The following FAM117B variants were observed in gnomAD, a reference collection of about 807,000 sequenced individuals.
FAM117B encodes the protein family with sequence similarity 117 member B.
FAM117B carries 22 observed loss-of-function variants against 52.8 expected under a neutral mutation model. The ratio of observed to expected loss-of-function variants is 0.42; its 90% CI spans 0.30 to 0.59. The LOEUF (loss-of-function observed/expected upper bound fraction) is 0.59, where lower values mean the gene tolerates loss of function less well. Among genes scored for constraint, FAM117B ranks in the 20% least tolerant of loss-of-function variants. FAM117B has a pLI of 0.22. For missense variants in FAM117B, 678 were observed against 802.6 expected, an observed-to-expected ratio of 0.84 and a Z score of 1.88; for synonymous variants, 309 against 324.1, an observed-to-expected ratio of 0.95 and a Z score of 0.50.
chr2:202,755,495 A>G (rs757866271), intron 4 of FAM117B, 43 bp from the exon 5 acceptor site: 1 of 1,591,470 alleles, frequency 6.3e-7, no homozygotes, highest in Non-Finnish European at 8.6e-7. Context: ...TAGAAAATTA[A>G]AAGGTAATGT....
chr2:202,649,931 G>A (rs1350107164), intron 1 of FAM117B, among the ~76,000 whole-genome samples: 1 of 151,904 alleles, frequency 6.6e-6, no homozygotes, highest in Non-Finnish European at 1.5e-5. Context: ...GCAGTGGTGC[G>A]ATCTCAGCTC....
chr2:202,752,446 G>A (rs1259276459), intron 4 of FAM117B, among the ~76,000 whole-genome samples: 4 of 150,964 alleles, frequency 2.6e-5, no homozygotes, highest in South Asian at 4.2e-4. Flanking sequence ...GTTCTGAAGG[G>A]GAGCAGGAAT....
chr2:202,704,836 G>C (rs568322679), intron 2 of FAM117B, among the ~76,000 whole-genome samples: 1 of 151,842 alleles, frequency 6.6e-6, no homozygotes, highest in South Asian at 2.1e-4. Context: ...CCTGACCTCA[G>C]GTAATCCGCC....
chr2:202,717,961 A>G (rs1169406318), intron 2 of FAM117B, among the ~76,000 whole-genome samples: 5 of 152,106 alleles, frequency 3.3e-5, no homozygotes, highest in Admixed American at 6.5e-5. Context: ...CAAAAACCTT[A>G]GAAGTCTGCC....
intron 2 of FAM117B, among the ~76,000 whole-genome samples, chr2:202,712,822 T>G (rs544611780): frequency 1.3e-5 from 2 of 152,296 alleles, no homozygotes; most frequent in African/African-American, 4.8e-5. Context: ...TTTGTCTTCA[T>G]TCTGTTAATG....
At position 202,714,520 on chromosome 2, in the gene FAM117B, ATCTTTTTTTTT is replaced by A. The variant is rs1171729631; in HGVS notation, c.754-10384_754-10374del. The stretch of plus-strand genomic sequence containing the variant: ...GTGCATATATATTTACAGTTGTTAT[ATCTTTTTTTTT>A]TCTTTTTTTTTTTTTTTTTATTGAT... On this transcript the variant is annotated intron_variant, in intron 2 of 7. Transcript: ENST00000392238. Among the ~76,000 whole-genome samples the A allele has an allele frequency of 7.2e-4, 89 of 124,312 alleles. 1 individual carries two copies. The highest frequency in any genetic ancestry group is 3.2e-3 in the African/African-American group (85 of 26,478). 81.6% of individuals were successfully genotyped at this position (124,312 alleles called of 152,430 possible). A position where few individuals can be genotyped will look rare whatever the true frequency, so the allele number is the denominator to read the frequency against.
intron 4 of FAM117B, among the ~76,000 whole-genome samples, chr2:202,729,932 T>C (rs1480520016): frequency 1.3e-5 from 2 of 152,108 alleles, no homozygotes; most frequent in African/African-American, 4.8e-5. Context: ...GGGTCAGATA[T>C]AGAACGAATT....
chr2:202,734,227 A>T (rs2105790714), intron 4 of FAM117B, among the ~76,000 whole-genome samples: 1 of 152,288 alleles, frequency 6.6e-6, no homozygotes, highest in African/African-American at 2.4e-5. Flanking sequence ...CAATACCATT[A>T]AAAAACCAAA....
rs534368069 is a variant in FAM117B, at chr2:202,638,166, C to T, written c.601+2378C>T. ...TGCTGGGATTACAGGCATGAGCTAC[C>T]GCGCCCAGCCACTAGTTAAGTAACT... On this transcript the variant is annotated intron_variant, in intron 1 of 7. Coordinates refer to ENST00000392238, the MANE Select transcript of FAM117B (RefSeq NM_173511.4). 6.6e-5 allele frequency among the ~76,000 whole-genome samples: 10 copies of T among 152,290 alleles called. No homozygotes were observed. In the South Asian group the frequency reaches 1.5e-3, roughly 22 times the overall value.
At position 202,768,519 on chromosome 2, in the gene FAM117B, CTAA is replaced by C. The variant is rs1692021567; in HGVS notation, c.*2757_*2759del. On this transcript the variant is annotated 3_prime_UTR_variant, in exon 8 of 8. Coordinates refer to ENST00000392238, the MANE Select transcript of FAM117B (RefSeq NM_173511.4). ...AACTCTAACTGCCAGTGCCAAAGGGCTAATTTTTAAGCATGTAAGCTTTACCAC... is the reference window on the plus strand; with the variant it reads ...AACTCTAACTGCCAGTGCCAAAGGGCTTTTTAAGCATGTAAGCTTTACCAC... The C allele has an allele frequency of 6.6e-6, 1 of 152,500 alleles. No homozygotes were observed. Among genetic ancestry groups the C allele is most frequent in the African/African-American group, 2.4e-5 (1 of 41,402 alleles). 9.4% of individuals were successfully genotyped at this position (152,500 alleles called of 1,614,324 possible).
chr2:202,643,144 G>A (rs897329933), intron 1 of FAM117B, among the ~76,000 whole-genome samples: 1 of 152,150 alleles, frequency 6.6e-6, no homozygotes, highest in African/African-American at 2.4e-5. Context: ...GTACTTTAAT[G>A]TGGACGGAAG....
chr2:202,636,551 G>T (rs1229210970), intron 1 of FAM117B, among the ~76,000 whole-genome samples: 1 of 152,190 alleles, frequency 6.6e-6, no homozygotes, highest in African/African-American at 2.4e-5. Flanking sequence ...CTTGGGGAAG[G>T]TCCTGAATGG....
intron 2 of FAM117B, among the ~76,000 whole-genome samples, chr2:202,697,435 T>C (rs574952152): frequency 6.6e-6 from 1 of 152,332 alleles, no homozygotes; most frequent in South Asian, 2.1e-4. Context: ...CATTTAAAGA[T>C]TTAAAAGATT....
chr2:202,655,495 T>C (rs1262920039), intron 1 of FAM117B, among the ~76,000 whole-genome samples: 2 of 152,134 alleles, frequency 1.3e-5, no homozygotes, highest in Admixed American at 6.6e-5. Flanking sequence ...TTTATATTCA[T>C]GAGGTATATT....
intron 1 of FAM117B, among the ~76,000 whole-genome samples, chr2:202,659,895 A>G (rs961144929): frequency 1.1e-4 from 16 of 152,110 alleles, no homozygotes; most frequent in African/African-American, 3.1e-4. Context: ...CTGGGATTAC[A>G]GGTGTAAGCC....
chr2:202,654,665 C>CTT (rs753974102), intron 1 of FAM117B, among the ~76,000 whole-genome samples: 90 of 137,444 alleles, frequency 6.5e-4, no homozygotes, highest in African/African-American at 2.3e-3. Flanking sequence ...CCTTTGTAAT[C>CTT]TTTTTTTTTT....
intron 4 of FAM117B, among the ~76,000 whole-genome samples, chr2:202,733,278 T>A (rs540298742): frequency 6.6e-6 from 1 of 152,262 alleles, no homozygotes; most frequent in East Asian, 1.9e-4. Flanking sequence ...AAGGGCAAAC[T>A]TAGAATTACT....
rs559644422 is a variant in FAM117B at position 202,671,538 on chromosome 2, C to T, written c.602-24343C>T. On this transcript the variant is annotated intron_variant, in intron 1 of 7. Transcript: ENST00000392238. ...GGCAGAGAAAGCTCTGGCAGAGAGG[C>T]TCAGATGCTGAGAAATTGTCTGGAG... Among the ~76,000 whole-genome samples, 177 of 152,320 alleles carry T rather than the reference C, an allele frequency of 1.2e-3. 3 individuals carry two copies. In the Middle Eastern group the frequency reaches 0.037, roughly 32 times the overall value.
intron 1 of FAM117B, among the ~76,000 whole-genome samples, chr2:202,665,622 A>G (rs1690192045): frequency 6.6e-6 from 1 of 151,976 alleles, no homozygotes; most frequent in Admixed American, 6.6e-5. Context: ...TGTTGTTGAG[A>G]CAGAGTCTCA....
Sources: allele counts gnomAD v4.1 joint callset (sites outside exome capture counted in the v4.1 genomes callset), GRCh38; gene constraint gnomAD v4.1.1; transcripts MANE v1.5; gene names NCBI Gene and HGNC (gene_info 2026-07-23, HGNC 2026-07-21).